Variants in HSPBAP1 observed in about 807,000 individuals in gnomAD.
HSPBAP1 encodes the protein HSPB1-associated protein 1.
HSPBAP1 carries 27 observed loss-of-function variants against 45.2 expected under a neutral mutation model. The observed-to-expected ratio is 0.60, with a 90% CI of 0.44 to 0.82. The LOEUF is 0.82. Among genes scored for constraint, HSPBAP1 ranks in the 40% least tolerant of loss-of-function variants. The probability of loss-of-function intolerance (pLI) is 0.00; values close to 1 mark genes in which losing one functional copy is unlikely to be tolerated. For synonymous variants in HSPBAP1, 204 were observed against 202.7 expected (o/e 1.01, Z -0.06); for missense variants, 510 against 590.9 (o/e 0.86, Z 1.42).
chr3:122,747,806 G>C (rs1380202452), intron 6 of HSPBAP1, among the ~76,000 whole-genome samples: 1 of 150,902 alleles, frequency 6.6e-6, no homozygotes. Context: ...GGGAGGTGAG[G>C]GGCGCCTCTG....
intron 5 of HSPBAP1, chr3:122,753,896 G>C (rs1934250720): frequency 1.0e-6 from 1 of 984,956 alleles, no homozygotes; most frequent in Non-Finnish European, 1.2e-6. Context: ...ACTCAAATTT[G>C]GCTATTAAAC....
intron 5 of HSPBAP1, chr3:122,753,743 A>G (rs1934241912): frequency 2.0e-6 from 2 of 984,888 alleles, no homozygotes; most frequent in Non-Finnish European, 2.4e-6. Flanking sequence ...AAACTATAAA[A>G]GGCCACTTGA....
In HSPBAP1 at chr3:122,743,269, G is replaced by A. The variant is rs1037238398; in HGVS notation, c.826-2156C>T. 4.6e-5 allele frequency among the ~76,000 whole-genome samples: 7 copies of A among 152,266 alleles called. No homozygotes were observed. In the East Asian group the frequency reaches 5.8e-4, roughly 13 times the overall value. On this transcript the variant is annotated intron_variant, in intron 6 of 7. Transcript: ENST00000306103. ...ATGAATACTACTACTGTAAACATTCGTGTAGAAGTTTTTGTGTGGGCCAGG... is the reference window on the plus strand; with the variant it reads ...ATGAATACTACTACTGTAAACATTCATGTAGAAGTTTTTGTGTGGGCCAGG...
intron 6 of HSPBAP1, among the ~76,000 whole-genome samples, chr3:122,742,570 A>G (rs6438761): frequency 0.21 from 32,346 of 152,012 alleles, 3,507 homozygotes; most frequent in Middle Eastern, 0.25. Flanking sequence ...AGACAATAGC[A>G]CCCAGTTGTT....
intron 6 of HSPBAP1, among the ~76,000 whole-genome samples, chr3:122,743,825 G>A (rs1933755432): frequency 6.6e-6 from 1 of 152,068 alleles, no homozygotes; most frequent in Non-Finnish European, 1.5e-5. Flanking sequence ...AAAGGGATTG[G>A]GAAGAACACA....
intron 1 of HSPBAP1, among the ~76,000 whole-genome samples, chr3:122,782,470 A>C (rs952321527): frequency 5.9e-5 from 9 of 152,170 alleles, no homozygotes; most frequent in South Asian, 4.1e-4. Context: ...ATTAAAAAAC[A>C]AGCAAGTTTC....
chr3:122,746,297 G>GTT (rs55924449), intron 6 of HSPBAP1, among the ~76,000 whole-genome samples: 4 of 138,660 alleles, frequency 2.9e-5, no homozygotes, highest in African/African-American at 5.3e-5. Flanking sequence ...AAATCAAAAG[G>GTT]TTTTTTTTTT....
intron 2 of HSPBAP1, among the ~76,000 whole-genome samples, chr3:122,776,723 CT>C (rs1188228682): frequency 6.6e-6 from 1 of 152,164 alleles, no homozygotes; most frequent in Non-Finnish European, 1.5e-5. Context: ...AGTTTGGTCT[CT>C]GATTATAATG....
intron 6 of HSPBAP1, among the ~76,000 whole-genome samples, chr3:122,742,520 A>G (rs1933704137): frequency 6.6e-6 from 1 of 152,220 alleles, no homozygotes; most frequent in African/African-American, 2.4e-5. Context: ...TTAAACACAG[A>G]GTTACCATAT....
At chr3:122,741,784 TCAGAGGA>T (rs887891514) in intron 6 of HSPBAP1, 11 of 152,114 alleles carry the variant, frequency 7.2e-5, no homozygotes, top group Admixed American at 7.2e-4. Context: ...AAAGGAGCAA[TCAGAGGA>T]CTAATAAACA....
chr3:122,747,648 G>C (rs1271721334), intron 6 of HSPBAP1, among the ~76,000 whole-genome samples: 1 of 144,482 alleles, frequency 6.9e-6, no homozygotes, highest in African/African-American at 2.6e-5. Context: ...TCAGCCCCCC[G>C]CCCGGCCAGC....
At chr3:122,778,978 G>A (rs190875640) in intron 1 of HSPBAP1, among the ~76,000 whole-genome samples, 15 of 152,088 alleles carry the variant, frequency 9.9e-5, no homozygotes, top group Admixed American at 9.8e-4. Flanking sequence ...AGTCTCATGG[G>A]ATGTTTTGTT....
chr3:122,764,885 T>C (rs983941845), intron 3 of HSPBAP1, among the ~76,000 whole-genome samples: 3 of 152,248 alleles, frequency 2.0e-5, no homozygotes, highest in African/African-American at 7.2e-5. Context: ...TAGATTCCAT[T>C]TGATATTGTG....
At chr3:122,764,217 A>G (rs1173725621) in intron 3 of HSPBAP1, among the ~76,000 whole-genome samples, 2 of 152,232 alleles carry the variant, frequency 1.3e-5, no homozygotes, top group Admixed American at 6.5e-5. Flanking sequence ...TGCTGAATAC[A>G]TAATAGGTAT....
At chr3:122,780,626 G>A (rs1231958762) in intron 1 of HSPBAP1, among the ~76,000 whole-genome samples, 19 of 147,356 alleles carry the variant, frequency 1.3e-4, no homozygotes, top group East Asian at 8.2e-4. Flanking sequence ...CATCCCTCCC[G>A]GACAGGGCGG....
chr3:122,786,294 G>A (rs1488251431), intron 1 of HSPBAP1: 2 of 152,146 alleles, frequency 1.3e-5, no homozygotes, highest in Non-Finnish European at 2.9e-5. Flanking sequence ...CATTCTTTCA[G>A]TTCCAAGCTT....
chr3:122,758,568 G>A (rs1224862999), intron 4 of HSPBAP1, among the ~76,000 whole-genome samples: 1 of 152,070 alleles, frequency 6.6e-6, no homozygotes, highest in African/African-American at 2.4e-5. Flanking sequence ...AAGAAAGGGT[G>A]TTCCCATTTT....
intron 3 of HSPBAP1, among the ~76,000 whole-genome samples, chr3:122,767,442 G>T (rs9811542): frequency 0.45 from 68,500 of 151,920 alleles, 16,284 homozygotes; most frequent in South Asian, 0.55. Flanking sequence ...GGGGTCAGGG[G>T]GTGGGTGATG....
chr3:122,788,122 C>T (rs529545392), intron 1 of HSPBAP1, among the ~76,000 whole-genome samples: 20 of 152,296 alleles, frequency 1.3e-4, no homozygotes, highest in Non-Finnish European at 2.1e-4. Context: ...GAGACAGTTA[C>T]ATCCTGGACA....
Sources: gnomAD v4.1 joint callset for allele counts (sites outside exome capture counted in the v4.1 genomes callset) on GRCh38, gnomAD v4.1.1 for gene constraint, MANE v1.5 for transcripts, NCBI Gene and HGNC (gene_info 2026-07-23, HGNC 2026-07-21) for gene names.